The following CC2D2B variants were observed in gnomAD, a reference collection of about 807,000 sequenced individuals.
CC2D2B encodes protein CC2D2B.
Under a neutral mutation model 161.2 loss-of-function variants are expected in CC2D2B, and 128 were observed. The observed-to-expected ratio is 0.79, with a 90% CI of 0.69 to 0.92. CC2D2B has a LOEUF of 0.92. Among genes scored for constraint, CC2D2B ranks in the 40% least tolerant of loss-of-function variants. The pLI, the probability that CC2D2B is intolerant of heterozygous loss-of-function variation, is 0.00. For synonymous variants in CC2D2B, 391 were observed against 449.8 expected, an observed-to-expected ratio of 0.87 and a Z score of 1.65; for missense variants, 1,173 against 1,375.1, an observed-to-expected ratio of 0.85 and a Z score of 2.32.
rs71486778 is a variant in CC2D2B at position 95,926,815 on chromosome 10, A to AGTGTGTGTGTGTGTGTGTGT, written c.241-409_241-390dup. On this transcript the variant is annotated intron_variant, in intron 5 of 34. Transcript: ENST00000646931. ...ATGAAAGATTGTGGGCTGAGGTGGC[A>AGTGTGTGTGTGTGTGTGTGT]GTGTGTGTGTGTGTGTGTGTGTGTG... Among the ~76,000 whole-genome samples, 305 of 134,962 alleles carry AGTGTGTGTGTGTGTGTGTGT rather than the reference A, an allele frequency of 2.3e-3. 4 individuals carry two copies. Among genetic ancestry groups the AGTGTGTGTGTGTGTGTGTGT allele is most frequent in the Middle Eastern group, 3.6e-3 (1 of 278 alleles). 88.5% of individuals were successfully genotyped at this position (134,962 alleles called of 152,430 possible). A position where few individuals can be genotyped will look rare whatever the true frequency, so the allele number is the denominator to read the frequency against.
chr10:95,965,005 T>A (rs989635085), intron 12 of CC2D2B, among the ~76,000 whole-genome samples: 1 of 152,112 alleles, frequency 6.6e-6, no homozygotes, highest in African/African-American at 2.4e-5. Flanking sequence ...AATTGCTGGG[T>A]CATATGGTAA....
intron 6 of CC2D2B, among the ~76,000 whole-genome samples, chr10:95,935,056 A>G (rs1424236305): frequency 6.6e-6 from 1 of 152,082 alleles, no homozygotes; most frequent in Non-Finnish European, 1.5e-5. Flanking sequence ...TTTTTAGTAG[A>G]GATGGGGTTT....
At chr10:96,012,850 CTGTTTG>C in intron 28 of CC2D2B, 121 bp downstream of exon 28, 1 of 664,404 alleles carries the variant, frequency 1.5e-6, no homozygotes, top group South Asian at 1.9e-5. Flanking sequence ...AATATTTGTA[CTGTTTG>C]TGAGTCATAA....
chr10:95,936,752 TA>T (rs1296948039), intron 6 of CC2D2B, among the ~76,000 whole-genome samples: 1 of 151,738 alleles, frequency 6.6e-6, no homozygotes, highest in South Asian at 2.1e-4. Context: ...GTAGGGCTTA[TA>T]AAAAAAAGAC....
chr10:95,924,279 G>A lies in CC2D2B; in HGVS notation c.98-35G>A, dbSNP rs374333694. ...TATTGTTGTTTAATTATAATAAAGT[G>A]TCATAAACTCTTTATTATGTTGGTT... On this transcript the variant is annotated intron_variant, in intron 3 of 34. Transcript: ENST00000646931. 20 of 1,140,364 alleles carry A rather than the reference G, an allele frequency of 1.8e-5. No individual in the cohort carries two copies. In the East Asian group the frequency reaches 2.2e-4, roughly 13 times the overall value. The allele number at this position is 1,140,364 out of a possible 1,614,324, so 70.6% of individuals were successfully genotyped here.
intron 32 of CC2D2B, 78 bp downstream of exon 32, chr10:96,019,902 T>C: frequency 1.5e-6 from 2 of 1,322,862 alleles, no homozygotes; most frequent in Middle Eastern, 2.0e-4. Flanking sequence ...ACAGCTCTTA[T>C]TATGTTTTAT....
At chr10:95,919,746 A>G (rs924670996) in intron 2 of CC2D2B, 1 of 152,108 alleles carries the variant, frequency 6.6e-6, no homozygotes, top group Admixed American at 6.5e-5. Context: ...CCTTCCAGTG[A>G]AGCAGGTTCC....
chr10:95,989,594 T>A (rs2077869459), intron 20 of CC2D2B, among the ~76,000 whole-genome samples: 1 of 152,212 alleles, frequency 6.6e-6, no homozygotes, highest in African/African-American at 2.4e-5. Flanking sequence ...CCTTATCCTG[T>A]TTCTTCTTTT....
At chr10:95,996,090 A>C (rs538243435) in intron 23 of CC2D2B, 53 bp from the exon 24 acceptor site, 4 of 790,728 alleles carry the variant, frequency 5.1e-6, no homozygotes, top group Non-Finnish European at 7.5e-6. Flanking sequence ...CTCTACCTTT[A>C]TCGACTATAT....
At chr10:95,973,087 A>G (rs2077192317) in intron 16 of CC2D2B, among the ~76,000 whole-genome samples, 1 of 151,974 alleles carries the variant, frequency 6.6e-6, no homozygotes, top group African/African-American at 2.4e-5. Context: ...GGGGTTTGGA[A>G]ACTACTTGGG....
intron 15 of CC2D2B, among the ~76,000 whole-genome samples, chr10:95,971,026 G>C (rs2077109182): frequency 1.3e-5 from 2 of 151,902 alleles, no homozygotes; most frequent in South Asian, 4.2e-4. Context: ...TTCCTTCTTA[G>C]AGCTCATATC....
chr10:95,944,032 T>C (rs1247795170), intron 9 of CC2D2B, among the ~76,000 whole-genome samples: 4 of 152,002 alleles, frequency 2.6e-5, no homozygotes, highest in Admixed American at 1.3e-4. Context: ...CAGGGCAGGG[T>C]TTTTGTTTTG....
chr10:95,911,952 A>G (rs776708236), intron 2 of CC2D2B, among the ~76,000 whole-genome samples: 4 of 152,198 alleles, frequency 2.6e-5, no homozygotes, highest in Non-Finnish European at 5.9e-5. Context: ...ATAAGATGTA[A>G]GGGAACATTG....
chr10:96,009,683 C>G, intron 25 of CC2D2B, 142 bp from the exon 26 acceptor site: 2 of 458,724 alleles, frequency 4.4e-6, no homozygotes, highest in Non-Finnish European at 7.6e-6. Flanking sequence ...AATTAAAAAG[C>G]AAGAAAAACA....
chr10:95,954,233 G>A (rs11814514), intron 10 of CC2D2B, among the ~76,000 whole-genome samples: 8 of 152,102 alleles, frequency 5.3e-5, no homozygotes, highest in Admixed American at 6.6e-5. Context: ...GTATATATGT[G>A]TGTGTCAAAG....
chr10:95,977,196 G>A (rs1207126536), intron 17 of CC2D2B, among the ~76,000 whole-genome samples: 1 of 152,176 alleles, frequency 6.6e-6, no homozygotes, highest in Non-Finnish European at 1.5e-5. Context: ...ATGGTGGAGT[G>A]GAACCCCATC....
intron 12 of CC2D2B, among the ~76,000 whole-genome samples, chr10:95,964,822 C>T (rs1278469904): frequency 6.6e-6 from 1 of 152,136 alleles, no homozygotes; most frequent in African/African-American, 2.4e-5. Flanking sequence ...ATGGTTCACC[C>T]ATTCAAAGTC....
Position 96,029,258 on chromosome 10 carries a change from ATATATATATATATATATATATATATATG to A in CC2D2B, c.4125+1889_4125+1916del, listed in dbSNP as rs1369959951. ...TCATGTACCATATATATATATATAT[ATATATATATATATATATATATATATATG>A]TATATATATATATATATATGTATAT... On this transcript the variant is annotated intron_variant, in intron 34 of 34. Transcript: ENST00000646931. Among the ~76,000 whole-genome samples the A allele has an allele frequency of 5.9e-3, 238 of 40,396 alleles. 1 individual carries two copies. Among genetic ancestry groups the A allele is most frequent in the Non-Finnish European group, 7.2e-3 (186 of 25,684 alleles). The allele number at this position is 40,396 out of a possible 152,430, so 26.5% of individuals were successfully genotyped here.
chr10:96,024,796 G>T (rs1428698163), intron 32 of CC2D2B, 57 bp from the exon 33 acceptor site: 7 of 1,011,428 alleles, frequency 6.9e-6, no homozygotes, highest in South Asian at 1.4e-5. Context: ...TTCCAGGAGT[G>T]ACTGTGATGT....
Sources: gnomAD v4.1 joint callset for allele counts (sites outside exome capture counted in the v4.1 genomes callset) on GRCh38, gnomAD v4.1.1 for gene constraint, MANE v1.5 for transcripts, NCBI Gene and HGNC (gene_info 2026-07-23, HGNC 2026-07-21) for gene names.